The following DLC1 variants were observed in gnomAD, a reference collection of about 807,000 sequenced individuals.
The protein encoded by DLC1 is DLC1 Rho GTPase activating protein.
In DLC1, 54 loss-of-function variants were observed where a neutral mutation model predicts 140.3. That is an observed-to-expected ratio of 0.38 (90% CI 0.31 to 0.48). The LOEUF (loss-of-function observed/expected upper bound fraction) is 0.48. DLC1 is among the 20% of genes least tolerant of loss of function. The pLI is 0.96. For missense variants in DLC1, 2,536 were observed against 1,907.0 expected, an observed-to-expected ratio of 1.33 and a Z score of -6.14; for synonymous variants, 986 against 728.1, an observed-to-expected ratio of 1.35 and a Z score of -5.70.
intron 1 of DLC1, among the ~76,000 whole-genome samples, chr8:13,575,037 C>A (rs1243512945): frequency 6.6e-6 from 1 of 152,130 alleles, no homozygotes; most frequent in African/African-American, 2.4e-5. Context: ...ATTTGAGAAA[C>A]ACAAAATGAA....
At chr8:13,136,743 C>G (rs919715214) in intron 5 of DLC1, among the ~76,000 whole-genome samples, 26 of 152,146 alleles carry the variant, frequency 1.7e-4, no homozygotes, top group African/African-American at 6.0e-4. Context: ...CCATGTTGCT[C>G]AGGCTGCTCT....
At chr8:13,254,759 A>T (rs1351625895) in intron 5 of DLC1, among the ~76,000 whole-genome samples, 2 of 152,056 alleles carry the variant, frequency 1.3e-5, no homozygotes, top group Non-Finnish European at 2.9e-5. Flanking sequence ...TCAATAGATA[A>T]AAGTTTCATG....
At chr8:13,535,983 G>T (rs1212843204) in intron 1 of DLC1, 1 of 152,096 alleles carries the variant, frequency 6.6e-6, no homozygotes, top group African/African-American at 2.4e-5. Context: ...GTCTGTATTG[G>T]ATGTTGTACA....
At chr8:13,286,999 G>A (rs1229113269) in intron 5 of DLC1, among the ~76,000 whole-genome samples, 1 of 152,304 alleles carries the variant, frequency 6.6e-6, no homozygotes, top group Non-Finnish European at 1.5e-5. Flanking sequence ...ATGGTGAAAG[G>A]CCATGGAGAT....
chr8:13,172,919 T>C (rs1253024989), intron 5 of DLC1, among the ~76,000 whole-genome samples: 3 of 152,220 alleles, frequency 2.0e-5, no homozygotes, highest in African/African-American at 7.2e-5. Flanking sequence ...GTAGTTGATG[T>C]TGCTGCTTCT....
intron 5 of DLC1, among the ~76,000 whole-genome samples, chr8:13,231,221 A>G (rs1410061301): frequency 6.8e-6 from 1 of 147,212 alleles, no homozygotes; most frequent in Non-Finnish European, 1.5e-5. Context: ...AGGAAGATGA[A>G]AAAAAAAAAA....
intron 2 of DLC1, among the ~76,000 whole-genome samples, chr8:13,419,215 C>T (rs1030959958): frequency 2.0e-5 from 3 of 151,856 alleles, no homozygotes; most frequent in Non-Finnish European, 2.9e-5. Flanking sequence ...TTTCCTTCTC[C>T]TGCCTAATTG....
intron 5 of DLC1, chr8:13,304,432 A>T (rs1832333120): frequency 6.4e-6 from 1 of 157,068 alleles, no homozygotes; most frequent in South Asian, 2.0e-4. Flanking sequence ...CTGTGTAAAA[A>T]CTATCTAGCA....
intron 1 of DLC1, among the ~76,000 whole-genome samples, chr8:13,551,024 A>G (rs1298897657): frequency 1.4e-5 from 2 of 148,054 alleles, no homozygotes; most frequent in African/African-American, 5.0e-5. Context: ...AGCACATTTA[A>G]CAGCACTCCT....
intron 5 of DLC1, among the ~76,000 whole-genome samples, chr8:13,155,877 C>G (rs573024047): frequency 9.0e-4 from 137 of 152,246 alleles, no homozygotes; most frequent in Non-Finnish European, 1.8e-3. Context: ...AACCTTCTAA[C>G]TAGTTTTTAT....
intron 2 of DLC1, among the ~76,000 whole-genome samples, chr8:13,476,712 T>A (rs963264943): frequency 6.6e-6 from 1 of 152,224 alleles, no homozygotes; most frequent in Non-Finnish European, 1.5e-5. Flanking sequence ...CAATCATTTA[T>A]TCAACTTTGA....
chr8:13,214,522 C>A (rs188907099), intron 5 of DLC1: 1 of 679,562 alleles, frequency 1.5e-6, no homozygotes, highest in Non-Finnish European at 2.6e-6. Context: ...ATTGTCACAT[C>A]TTACTGAAGA....
At chr8:13,487,623 G>C (rs530868897) in intron 2 of DLC1, among the ~76,000 whole-genome samples, 2 of 151,628 alleles carry the variant, frequency 1.3e-5, no homozygotes, top group Admixed American at 1.3e-4. Flanking sequence ...GCCCAGGCTG[G>C]AGTGCAATGG....
Position 13,171,550 on chromosome 8 carries a change from C to T in DLC1, c.1349-55893G>A, listed in dbSNP as rs570978668. Among the ~76,000 whole-genome samples, 9 of 152,140 alleles carry T rather than the reference C, an allele frequency of 5.9e-5. No homozygotes were observed. The South Asian group carries it at 1.9e-3, about 32-fold the overall frequency. On this transcript the variant is annotated intron_variant, in intron 5 of 17. Transcript: ENST00000276297. Reference sequence around the variant, plus strand: ...GGACTACAGGTGCGTGCCACCATGCCCCACTAATTTTTTATTTTCTTTTTT... The same window carrying T: ...GGACTACAGGTGCGTGCCACCATGCTCCACTAATTTTTTATTTTCTTTTTT...
intron 4 of DLC1, chr8:13,339,871 A>G (rs1833962610): frequency 6.6e-6 from 1 of 152,214 alleles, no homozygotes; most frequent in Non-Finnish European, 1.5e-5. Context: ...CCACTCACTT[A>G]GCAAATATTG....
chr8:13,184,733 T>C (rs1826246358), intron 5 of DLC1, among the ~76,000 whole-genome samples: 1 of 152,212 alleles, frequency 6.6e-6, no homozygotes, highest in Admixed American at 6.5e-5. Context: ...TGGTCAATTT[T>C]AGAATAAGTG....
At chr8:13,303,793 C>G (rs1302243874) in intron 5 of DLC1, among the ~76,000 whole-genome samples, 2 of 151,974 alleles carry the variant, frequency 1.3e-5, no homozygotes, top group Admixed American at 6.5e-5. Context: ...CAGAGTGAGA[C>G]TCCATCTCAA....
intron 4 of DLC1, among the ~76,000 whole-genome samples, chr8:13,366,340 A>T (rs553824926): frequency 1.2e-3 from 182 of 152,256 alleles, no homozygotes; most frequent in Admixed American, 2.5e-3. Flanking sequence ...GCGCTGTCCT[A>T]AGTATGATGA....
intron 2 of DLC1, among the ~76,000 whole-genome samples, chr8:13,452,584 G>C (rs1343348961): frequency 6.6e-6 from 1 of 152,174 alleles, no homozygotes. Context: ...GGAAAGTATT[G>C]CTTTGTTTTC....
Sources: gnomAD v4.1 joint callset for allele counts (sites outside exome capture counted in the v4.1 genomes callset) on GRCh38, gnomAD v4.1.1 for gene constraint, MANE v1.5 for transcripts, NCBI Gene and HGNC (gene_info 2026-07-23, HGNC 2026-07-21) for gene names.